CEP72: variants seen among roughly 807,000 people sequenced by gnomAD.
CEP72 encodes the protein centrosomal protein of 72 kDa.
In CEP72, 78 loss-of-function variants were observed where a neutral mutation model predicts 65.7. The observed-to-expected ratio is 1.19, with a 90% CI of 0.99 to 1.43. CEP72 has a LOEUF of 1.43. Among genes scored for constraint, CEP72 ranks in the 40% most tolerant of loss-of-function variants. The probability of loss-of-function intolerance (pLI) is 0.00; values close to 1 mark genes in which losing one functional copy is unlikely to be tolerated. For synonymous variants in CEP72, 358 were observed against 351.7 expected (o/e 1.02, Z -0.20); for missense variants, 914 against 832.9 (o/e 1.10, Z -1.20).
intron 6 of CEP72, among the ~76,000 whole-genome samples, chr5:636,992 C>T (rs11134148): frequency 0.13 from 19,913 of 151,994 alleles, 1,650 homozygotes; most frequent in Non-Finnish European, 0.19. Context: ...AGGCTGTGCC[C>T]GTTTTGTGCC....
rs1199075169 is a variant in CEP72, at chr5:653,096, G to C, written c.1887G>C (p.Lys629Asn). Residue 629 changes from lysine (K) to asparagine (N), a missense_variant, in exon 12 of 12, where the codon AAG becomes AAC. Lys to Asn is a moderately conservative substitution (Grantham distance 94). Transcript: ENST00000264935. ...QMHWSYQELK[K>N]TMALFPHSSA... ...ACTGGAGCTACCAGGAGCTCAAGAAGACCATGGCCCTGTTTCCACACAGCA... is the reference window on the plus strand; with the variant it reads ...ACTGGAGCTACCAGGAGCTCAAGAACACCATGGCCCTGTTTCCACACAGCA... 5.6e-6 allele frequency: 9 copies of C among 1,613,570 alleles called. No individual in the cohort carries two copies. Among genetic ancestry groups the C allele is most frequent in the Non-Finnish European group, 6.8e-6 (8 of 1,180,004 alleles).
chr5:672,595 T>G, the CEP72 span, among the ~76,000 whole-genome samples: 26 of 152,168 alleles, frequency 1.7e-4, no homozygotes, highest in South Asian at 8.3e-4. Context: ...GCTGGTGGTG[T>G]TTGGTGCAGT....
At chr5:654,331 C>T (rs530642382), downstream of CEP72, among the ~76,000 whole-genome samples, 158 of 143,834 alleles carry the variant, frequency 1.1e-3, 3 homozygotes, top group East Asian at 0.012. Context: ...CTTGTGTGTG[C>T]GCTGTGTGTG....
chr5:640,862 T>G (rs1037515780), intron 9 of CEP72: 4 of 985,422 alleles, frequency 4.1e-6, no homozygotes, highest in South Asian at 4.7e-5. Context: ...CCTCCACCAC[T>G]GGGCAGTGCC....
intron 11 of CEP72, among the ~76,000 whole-genome samples, chr5:648,544 G>C (rs1738597511): frequency 6.8e-6 from 1 of 147,912 alleles, no homozygotes; most frequent in Non-Finnish European, 1.5e-5. Context: ...GTGTGACTGT[G>C]AGGTGTGACT....
Position 624,446 on chromosome 5 carries a change from A to G in CEP72, c.404-25A>G, listed in dbSNP as rs1323519514. On this transcript the variant is annotated intron_variant, in intron 3 of 11. Transcript: ENST00000264935. The surrounding 1 kb of genome is among the most constrained non-coding windows in gnomAD (Gnocchi z 4.7). ...GCCGCCCGCCGCTTGCCACCTGCAC[A>G]GTCTTGTGTGGCCTTTTCTTCTAGA... 6.3e-6 allele frequency: 10 copies of G among 1,579,510 alleles called. No individual in the cohort carries two copies. In the Admixed American group the frequency reaches 6.7e-5, roughly 11 times the overall value.
At chr5:658,645 A>AT (rs70955278), downstream of CEP72, among the ~76,000 whole-genome samples, 2 of 55,946 alleles carry the variant, frequency 3.6e-5, no homozygotes, top group Non-Finnish European at 3.4e-5. Context: ...AGCAAAGCTG[A>AT]TTTTTTTTTT....
Position 624,035 on chromosome 5 carries a change from G to C in CEP72, c.404-436G>C, listed in dbSNP as rs1736572332. Among the ~76,000 whole-genome samples the C allele has an allele frequency of 6.6e-6, 1 of 152,076 alleles. No homozygotes were observed. Among genetic ancestry groups the C allele is most frequent in the Non-Finnish European group, 1.5e-5 (1 of 67,996 alleles). ...AGGAGTTCTTGGGTGGGAGCCTGGT[G>C]GCCCCAGGTACGCACGTCCCTGAGG... On this transcript the variant is annotated intron_variant, in intron 3 of 11. Coordinates refer to ENST00000264935, the MANE Select transcript of CEP72 (RefSeq NM_018140.4). This position sits in a 1 kb window ranked among gnomAD's most constrained non-coding sequence, Gnocchi z 4.7.
At chr5:657,337 C>A (rs138225866), downstream of CEP72, among the ~76,000 whole-genome samples, 2 of 152,238 alleles carry the variant, frequency 1.3e-5, no homozygotes, top group Non-Finnish European at 2.9e-5. Flanking sequence ...TGCTCTAGTA[C>A]AGTGGTTAGT....
At chr5:669,601 C>T (rs952713611), downstream of CEP72, among the ~76,000 whole-genome samples, 5 of 152,178 alleles carry the variant, frequency 3.3e-5, no homozygotes, top group Non-Finnish European at 5.9e-5. Context: ...AGTGCTGAGG[C>T]ACGCAGCCCT....
downstream of CEP72, among the ~76,000 whole-genome samples, chr5:669,661 AG>A (rs547210628): frequency 5.3e-5 from 8 of 152,122 alleles, no homozygotes; most frequent in Admixed American, 3.3e-4. Context: ...ACTCGGCGGG[AG>A]GGGGATGGCT....
chr5:671,608 G>A (rs890152705), downstream of CEP72, among the ~76,000 whole-genome samples: 6 of 152,206 alleles, frequency 3.9e-5, no homozygotes, highest in African/African-American at 1.4e-4. Context: ...GGGATTGCTG[G>A]TGCTGCCCGG....
At chr5:639,051 A>G (rs2126790698) in intron 7 of CEP72, 38 bp from the exon 8 acceptor site, 1 of 1,611,728 alleles carries the variant, frequency 6.2e-7, no homozygotes, top group East Asian at 2.2e-5. Flanking sequence ...GACCTCAGTT[A>G]CTGACTCGCT....
rs765276251 is a variant in CEP72, at chr5:637,655, A to G, written c.1043A>G (p.Gln348Arg). ...GGAAGATTCCAGACGTTTTCGGACC[A>G]GGAGGGTTTGGGCTGCCCGGAGAGA... is the stretch of plus-strand genomic sequence containing the variant. Reference protein sequence around the residue: ...PVGRFQTFSDQEGLGCPERTH... With the variant: ...PVGRFQTFSDREGLGCPERTH... The change falls in exon 7 of 12, where the codon CAG (glutamine) becomes CGG (arginine). Residue 348 changes from glutamine (Q) to arginine (R), a missense_variant. Physicochemically the swap from Gln to Arg is conservative, Grantham distance 43. Transcript: ENST00000264935. 2 of 1,613,886 alleles carry G rather than the reference A, an allele frequency of 1.2e-6. No individual in the cohort carries two copies. The highest frequency in any genetic ancestry group is 2.7e-5 in the African/African-American group (2 of 74,942).
the CEP72 span, among the ~76,000 whole-genome samples, chr5:674,807 C>T: frequency 6.6e-6 from 1 of 151,748 alleles, no homozygotes. Flanking sequence ...CTGGTCTGTC[C>T]TCCAGGCAGC....
chr5:666,597 G>A (rs1739926055), intron 4 of CEP72, among the ~76,000 whole-genome samples: 1 of 152,212 alleles, frequency 6.6e-6, no homozygotes, highest in African/African-American at 2.4e-5. Flanking sequence ...ATGGGCGCAG[G>A]CCCACGCCTC....
At chr5:670,399 G>A (rs1370791274), downstream of CEP72, among the ~76,000 whole-genome samples, 4 of 152,204 alleles carry the variant, frequency 2.6e-5, no homozygotes, top group African/African-American at 9.6e-5. Context: ...GGAAGCTGGG[G>A]GCTGTGGAGG....
At chr5:641,220 C>G in intron 9 of CEP72, 1 of 985,362 alleles carries the variant, frequency 1.0e-6, no homozygotes, top group Non-Finnish European at 1.2e-6. Flanking sequence ...GGGACAGGAT[C>G]CTCCCAGGCT....
intron 3 of CEP72, among the ~76,000 whole-genome samples, chr5:621,955 G>A (rs1261861029): frequency 1.3e-5 from 2 of 152,216 alleles, no homozygotes; most frequent in Non-Finnish European, 1.5e-5. Context: ...TGTCTTTTTA[G>A]TAGAGATAGG....
Sources: allele counts gnomAD v4.1 joint callset (sites outside exome capture counted in the v4.1 genomes callset), GRCh38; gene constraint gnomAD v4.1.1; non-coding constraint Gnocchi (gnomAD v3.1); transcripts MANE v1.5; gene names NCBI Gene and HGNC (gene_info 2026-07-23, HGNC 2026-07-21).